The following RUNDC3B variants were observed in gnomAD, a reference collection of about 807,000 sequenced individuals.
The protein encoded by RUNDC3B is RUN domain-containing protein 3B.
A neutral mutation model predicts 58.4 loss-of-function variants in RUNDC3B; 33 were observed. The ratio of observed to expected loss-of-function variants is 0.56; its 90% CI spans 0.43 to 0.75. The LOEUF (loss-of-function observed/expected upper bound fraction) is 0.75, where lower values mean the gene tolerates loss of function less well. Among genes scored for constraint, RUNDC3B ranks in the 30% least tolerant of loss-of-function variants. The pLI is 0.00. For missense variants in RUNDC3B, 501 were observed against 535.7 expected (o/e 0.94, Z 0.64); for synonymous variants, 193 against 195.2 (o/e 0.99, Z 0.10).
Position 87,672,288 on chromosome 7 carries a change from A to G in RUNDC3B, c.238+21351A>G, listed in dbSNP as rs549376713. 5.9e-5 allele frequency among the ~76,000 whole-genome samples: 9 copies of G among 152,320 alleles called. No individual in the cohort carries two copies. The East Asian group carries it at 7.7e-4, about 13-fold the overall frequency. On this transcript the variant is annotated intron_variant, in intron 2 of 10. Coordinates refer to ENST00000394654, the MANE Select transcript of RUNDC3B (RefSeq NM_001134405.2). ...CACATTTTGGTAGAGCAGTTGTGCTATGCTGGGGGATCCTTTCCACCTCTG... is the reference window on the plus strand; with the variant it reads ...CACATTTTGGTAGAGCAGTTGTGCTGTGCTGGGGGATCCTTTCCACCTCTG...
intron 6 of RUNDC3B, among the ~76,000 whole-genome samples, chr7:87,755,073 A>G (rs1320671363): frequency 6.7e-6 from 1 of 149,620 alleles, no homozygotes; most frequent in Non-Finnish European, 1.5e-5. Context: ...CCCAGGCTGG[A>G]GTGCAGTGCA....
intron 6 of RUNDC3B, among the ~76,000 whole-genome samples, chr7:87,748,699 G>T (rs1413271978): frequency 6.6e-6 from 1 of 152,034 alleles, no homozygotes; most frequent in Admixed American, 6.6e-5. Context: ...AAGAGTATAG[G>T]AACTTTATGA....
intron 2 of RUNDC3B, among the ~76,000 whole-genome samples, chr7:87,688,355 C>A (rs2130630356): frequency 6.6e-6 from 1 of 151,870 alleles, no homozygotes; most frequent in Admixed American, 6.6e-5. Flanking sequence ...AAACAGAGAG[C>A]TACACATTTT....
intron 1 of RUNDC3B, among the ~76,000 whole-genome samples, chr7:87,639,739 C>G (rs1238554203): frequency 6.6e-6 from 1 of 151,988 alleles, no homozygotes; most frequent in East Asian, 1.9e-4. Flanking sequence ...TATGATGTCT[C>G]TTTTTCCATC....
chr7:87,760,852 G>A (rs1274701013), intron 6 of RUNDC3B, among the ~76,000 whole-genome samples: 1 of 151,928 alleles, frequency 6.6e-6, no homozygotes, highest in Non-Finnish European at 1.5e-5. Flanking sequence ...AGACCCACAT[G>A]TAAGAGCTAA....
intron 6 of RUNDC3B, among the ~76,000 whole-genome samples, chr7:87,769,219 C>A (rs1834138958): frequency 6.6e-6 from 1 of 151,720 alleles, no homozygotes; most frequent in African/African-American, 2.4e-5. Flanking sequence ...CCATGTTGCC[C>A]AAGCTGGTCT....
chr7:87,650,915 G>T lies in RUNDC3B; in HGVS notation c.216G>T (p.Gln72His), dbSNP rs748833167. 1 of 1,608,350 alleles carries T rather than the reference G, an allele frequency of 6.2e-7. No individual in the cohort carries two copies. Among genetic ancestry groups the T allele is most frequent in the Non-Finnish European group, 8.5e-7 (1 of 1,175,152 alleles). Residue 72 changes from glutamine (Q) to histidine (H), a missense_variant, in exon 2 of 11, where the codon CAG (glutamine) becomes CAT (histidine). Gln to His is a conservative substitution (Grantham distance 24). Coordinates refer to ENST00000394654, the MANE Select transcript of RUNDC3B (RefSeq NM_001134405.2). ...ACAATTTTGCAGCTATTTTGGAACA[G>T]ATTTTAAGCCACCGGCTAAAAGGTA... ...EFNNFAAILE[Q>H]ILSHRLKGQV...
intron 10 of RUNDC3B, among the ~76,000 whole-genome samples, chr7:87,826,043 T>G (rs567973852): frequency 4.6e-5 from 7 of 152,276 alleles, no homozygotes; most frequent in African/African-American, 1.2e-4. Context: ...TGAAATGAGT[T>G]AAGACTTTGA....
intron 2 of RUNDC3B, among the ~76,000 whole-genome samples, chr7:87,694,574 C>A (rs908818628): frequency 1.3e-5 from 2 of 152,164 alleles, no homozygotes; most frequent in African/African-American, 4.8e-5. Context: ...CACAATTAAT[C>A]CTTTCAAGCA....
At chr7:87,641,966 A>T (rs982883076) in intron 1 of RUNDC3B, among the ~76,000 whole-genome samples, 1 of 152,152 alleles carries the variant, frequency 6.6e-6, no homozygotes. Context: ...TAAAATTTTC[A>T]TAAATCAATC....
intron 2 of RUNDC3B, among the ~76,000 whole-genome samples, chr7:87,691,297 G>A (rs1827994788): frequency 6.6e-6 from 1 of 152,064 alleles, no homozygotes; most frequent in African/African-American, 2.4e-5. Context: ...TCAGTATTCA[G>A]TATAGAAGCA....
intron 8 of RUNDC3B, among the ~76,000 whole-genome samples, chr7:87,783,102 A>G (rs1835022761): frequency 6.6e-6 from 1 of 151,874 alleles, no homozygotes; most frequent in African/African-American, 2.4e-5. Flanking sequence ...TTGTAGGTCT[A>G]GAAGTACTTG....
At chr7:87,807,673 T>C (rs1165754493) in intron 9 of RUNDC3B, among the ~76,000 whole-genome samples, 154 bp downstream of exon 9, 1 of 152,188 alleles carries the variant, frequency 6.6e-6, no homozygotes, top group East Asian at 1.9e-4. Flanking sequence ...TTAGATTATC[T>C]GAGAAATTCT....
intron 4 of RUNDC3B, among the ~76,000 whole-genome samples, chr7:87,711,979 T>C (rs923812124): frequency 1.3e-5 from 2 of 152,200 alleles, no homozygotes. Flanking sequence ...CATATCCTAA[T>C]ACAGGGTTTG....
chr7:87,828,192 T>G (rs1837937462), intron 10 of RUNDC3B, among the ~76,000 whole-genome samples: 1 of 152,210 alleles, frequency 6.6e-6, no homozygotes, highest in Non-Finnish European at 1.5e-5. Context: ...ATTATTATGT[T>G]CAGTAATTAT....
chr7:87,805,802 A>G (rs1286243228), intron 8 of RUNDC3B, among the ~76,000 whole-genome samples: 1 of 152,146 alleles, frequency 6.6e-6, no homozygotes, highest in Non-Finnish European at 1.5e-5. Context: ...TGAGTTTTCC[A>G]GTAATGTTCA....
intron 4 of RUNDC3B, among the ~76,000 whole-genome samples, chr7:87,715,412 A>G (rs866351593): frequency 2.3e-5 from 3 of 128,740 alleles, no homozygotes; most frequent in South Asian, 4.3e-4. Flanking sequence ...AATATTTAAT[A>G]TAATATATTT....
At chr7:87,820,340 A>G (rs1161446900) in intron 10 of RUNDC3B, among the ~76,000 whole-genome samples, 1 of 149,650 alleles carries the variant, frequency 6.7e-6, no homozygotes, top group Non-Finnish European at 1.5e-5. Flanking sequence ...TAAACCAGGA[A>G]GAAGTTTAAT....
At chr7:87,708,275 A>G (rs908344344) in intron 3 of RUNDC3B, among the ~76,000 whole-genome samples, 2 of 152,166 alleles carry the variant, frequency 1.3e-5, no homozygotes, top group Non-Finnish European at 2.9e-5. Flanking sequence ...AAAAGATAAT[A>G]TAAATTACCG....
Sources: allele counts gnomAD v4.1 joint callset (sites outside exome capture counted in the v4.1 genomes callset), GRCh38; gene constraint gnomAD v4.1.1; transcripts MANE v1.5; gene names NCBI Gene and HGNC (gene_info 2026-07-23, HGNC 2026-07-21).